Variants in SAMSN1 observed in about 807,000 individuals in gnomAD.
SAMSN1 encodes SAM domain-containing protein SAMSN-1.
Under a neutral mutation model 42.0 loss-of-function variants are expected in SAMSN1, and 31 were observed. The observed-to-expected ratio is 0.74, with a 90% CI of 0.55 to 1.00. SAMSN1 has a LOEUF of 1.00. Ranked by LOEUF, SAMSN1 falls within the 50% of genes least tolerant of loss-of-function variation. SAMSN1 has a pLI of 0.00. For synonymous variants in SAMSN1, 178 were observed against 151.9 expected (o/e 1.17, Z -1.26); for missense variants, 464 against 439.4 (o/e 1.06, Z -0.50).
chr21:14,498,300 A>C, intron 7 of SAMSN1, 142 bp downstream of exon 7: 1 of 677,638 alleles, frequency 1.5e-6, no homozygotes, highest in Non-Finnish European at 2.4e-6. Flanking sequence ...ATTGTTTTCA[A>C]ACTTATATGA....
In SAMSN1 at chr21:14,649,837, G is replaced by T. The variant is rs563894065; in HGVS notation, c.25-6704C>A. ...CACACAGAAAGAGAGAAAATGAAGG[G>T]ATGGAAAAAGATATTCTATGCCAAT... On this transcript the variant is annotated intron_variant, in intron 1 of 15. Coordinates refer to the SAMSN1 transcript ENST00000647101. Among the ~76,000 whole-genome samples, 99 of 149,124 alleles carry T rather than the reference G, an allele frequency of 6.6e-4. 1 individual carries two copies. The highest frequency in any genetic ancestry group is 2.4e-3 in the African/African-American group (95 of 40,108).
intron 1 of SAMSN1, among the ~76,000 whole-genome samples, chr21:14,524,738 G>A (rs1978727843): frequency 6.6e-6 from 1 of 151,950 alleles, no homozygotes; most frequent in African/African-American, 2.4e-5. Context: ...AATAATATAT[G>A]GTACATCCAC....
chr21:14,567,910 T>C (rs1466764564), intron 2 of SAMSN1, among the ~76,000 whole-genome samples: 1 of 152,008 alleles, frequency 6.6e-6, no homozygotes, highest in African/African-American at 2.4e-5. Context: ...AATATACATA[T>C]GAGAGATTCT....
chr21:14,653,954 T>A (rs1450110787), intron 1 of SAMSN1, among the ~76,000 whole-genome samples: 1 of 151,990 alleles, frequency 6.6e-6, no homozygotes, highest in Non-Finnish European at 1.5e-5. Context: ...GAAATTAATA[T>A]TAATGTTTAG....
intron 2 of SAMSN1, among the ~76,000 whole-genome samples, chr21:14,577,269 TATATATA>T (rs1981526250): frequency 7.6e-5 from 4 of 52,546 alleles, no homozygotes; most frequent in African/African-American, 4.8e-4. Flanking sequence ...TATATATATA[TATATATA>T]TATATATATT....
At chr21:14,499,448 A>C (rs1339742812) in intron 6 of SAMSN1, among the ~76,000 whole-genome samples, 1 of 151,448 alleles carries the variant, frequency 6.6e-6, no homozygotes, top group Non-Finnish European at 1.5e-5. Context: ...GAAGTCTAAA[A>C]GTTTTAAGTA....
At chr21:14,571,278 A>T (rs1981292101) in intron 2 of SAMSN1, among the ~76,000 whole-genome samples, 1 of 152,228 alleles carries the variant, frequency 6.6e-6, no homozygotes, top group South Asian at 2.1e-4. Context: ...CAAATTGTTG[A>T]GTAAATGAAT....
intron 7 of SAMSN1, among the ~76,000 whole-genome samples, chr21:14,495,549 T>G (rs1453931114): frequency 6.6e-6 from 1 of 152,200 alleles, no homozygotes; most frequent in East Asian, 1.9e-4. Flanking sequence ...TCTGTATTTT[T>G]TTTTTCCATT....
chr21:14,498,688 G>A, intron 6 of SAMSN1, 96 bp from the exon 7 acceptor site: 2 of 920,696 alleles, frequency 2.2e-6, no homozygotes, highest in Non-Finnish European at 3.1e-6. Flanking sequence ...TGCACATGGG[G>A]ACCAAAGGTG....
intron 2 of SAMSN1, among the ~76,000 whole-genome samples, chr21:14,617,767 A>G (rs533202100): frequency 6.6e-6 from 1 of 152,362 alleles, no homozygotes; most frequent in African/African-American, 2.4e-5. Flanking sequence ...TTTGGAACCA[A>G]CTTCTTATAT....
At chr21:14,558,041 T>C (rs1452606163) in intron 2 of SAMSN1, among the ~76,000 whole-genome samples, 1 of 152,144 alleles carries the variant, frequency 6.6e-6, no homozygotes, top group East Asian at 1.9e-4. Flanking sequence ...ATCAAACACA[T>C]ATAGGTGCTT....
rs184566673 is a variant in SAMSN1 at position 14,521,034 on chromosome 21, C to T, written c.129+116G>A. 56 of 677,282 alleles carry T rather than the reference C, an allele frequency of 8.3e-5. 1 individual carries two copies. The Admixed American group carries it at 1.5e-3, about 19-fold the overall frequency. 42.0% of individuals were successfully genotyped at this position (677,282 alleles called of 1,614,324 possible). On this transcript the variant is annotated intron_variant, in intron 2 of 7. Transcript: ENST00000400566. ...ATTTATCACAAAAACATATGCAAGG[C>T]TATAATTTTAAAATGTATTCATTTT...
At position 14,525,104 on chromosome 21, in the gene SAMSN1, A is replaced by T. The variant is rs376974044; in HGVS notation, c.58-3883T>A. On this transcript the variant is annotated intron_variant, in intron 1 of 7. Transcript: ENST00000400566. ...TTCATACTTCAGCTAATCAATTAAA[A>T]ATGATGAAATAATAAGATTACCATT... is the stretch of plus-strand genomic sequence containing the variant. Among the ~76,000 whole-genome samples, 12 of 152,336 alleles carry T rather than the reference A, an allele frequency of 7.9e-5. No homozygotes were observed. The South Asian group carries it at 1.2e-3, about 16-fold the overall frequency.
chr21:14,561,966 C>T (rs960539909), intron 2 of SAMSN1, among the ~76,000 whole-genome samples: 2 of 151,762 alleles, frequency 1.3e-5, no homozygotes, highest in Admixed American at 6.6e-5. Flanking sequence ...GAGCATGGCC[C>T]TGCCAATACC....
intron 1 of SAMSN1, among the ~76,000 whole-genome samples, chr21:14,532,085 G>A (rs996058271): frequency 1.3e-5 from 2 of 152,172 alleles, no homozygotes; most frequent in Admixed American, 6.5e-5. Flanking sequence ...AGCTTCTGGA[G>A]TTGTAATGTT....
At chr21:14,529,996 T>C (rs1249906702) in intron 1 of SAMSN1, among the ~76,000 whole-genome samples, 1 of 152,178 alleles carries the variant, frequency 6.6e-6, no homozygotes, top group Admixed American at 6.6e-5. Flanking sequence ...TTTGTATAAT[T>C]GTTAAACAAG....
chr21:14,508,163 C>T (rs993360530), intron 5 of SAMSN1, among the ~76,000 whole-genome samples: 1 of 152,056 alleles, frequency 6.6e-6, no homozygotes, highest in Non-Finnish European at 1.5e-5. Flanking sequence ...ATTTCATGAC[C>T]AAGAACACAA....
chr21:14,538,228 T>G (rs1979759871), intron 1 of SAMSN1, among the ~76,000 whole-genome samples: 1 of 152,162 alleles, frequency 6.6e-6, no homozygotes, highest in South Asian at 2.1e-4. Flanking sequence ...TCTAACATAT[T>G]ACCTACATTT....
chr21:14,507,438 T>A (rs941470351), intron 5 of SAMSN1, among the ~76,000 whole-genome samples: 4 of 152,152 alleles, frequency 2.6e-5, no homozygotes, highest in Non-Finnish European at 5.9e-5. Context: ...CAACCCCTTT[T>A]ACAATAGCTG....
Sources: gnomAD v4.1 joint callset for allele counts (sites outside exome capture counted in the v4.1 genomes callset) on GRCh38, gnomAD v4.1.1 for gene constraint, MANE v1.5 for transcripts, NCBI Gene and HGNC (gene_info 2026-07-23, HGNC 2026-07-21) for gene names.